Variants in CDC14C observed in about 807,000 individuals in gnomAD.
The protein encoded by CDC14C is cell division cycle 14C, also known as dual specificity protein phosphatase CDC14C.
In CDC14C, 19 loss-of-function variants were observed where a neutral mutation model predicts 26.9. The observed-to-expected ratio is 0.71, with a 90% CI of 0.49 to 1.04. CDC14C has a LOEUF of 1.04. CDC14C is among the 50% of genes least tolerant of loss of function. The pLI, the probability that CDC14C is intolerant of heterozygous loss-of-function variation, is 0.00. For synonymous variants in CDC14C, 185 were observed against 180.1 expected (o/e 1.03, Z -0.22); for missense variants, 423 against 520.0 (o/e 0.81, Z 1.81).
chr7:48,925,842 C>T lies in CDC14C; in HGVS notation c.1170C>T (p.Asp390=), dbSNP rs750412517. ...AACCCAAACCTTACAGTGATGACGA[C>T]GAAATCAATGGAGTGACACAAGGTG... ...QQEPKPYSDD[D]EINGVTQGDR... The change falls in exon 1 of 1, where the codon GAC becomes GAT. Residue 390 remains aspartate (D), a synonymous_variant. Coordinates refer to ENST00000650262, the MANE Select transcript of CDC14C (RefSeq NM_152627.3). The T allele has an allele frequency of 2.3e-5, 18 of 797,272 alleles. No homozygotes were observed. The highest frequency in any genetic ancestry group is 9.5e-5 in the South Asian group (7 of 73,504). 49.4% of individuals were successfully genotyped at this position (797,272 alleles called of 1,614,324 possible). A position where few individuals can be genotyped will look rare whatever the true frequency, so the allele number is the denominator to read the frequency against.
At position 48,925,176 on chromosome 7, in the gene CDC14C, C is replaced by T. The variant is rs1203500867; in HGVS notation, c.504C>T (p.Asn168=). The change falls in exon 1 of 1, where the codon AAC becomes AAT. Residue 168 remains asparagine, a synonymous_variant. Coordinates refer to ENST00000650262, the MANE Select transcript of CDC14C (RefSeq NM_152627.3). ...KAMQYGFLNF[N]SFNLDEYEHY... ...TGCAGTATGGCTTCCTTAATTTCAA[C>T]TCATTTAACCTTGATGAATATGAAC... 6.5e-7 allele frequency: 1 copy of T among 1,529,788 alleles called. No individual in the cohort carries two copies. The highest frequency in any genetic ancestry group is 2.3e-5 in the East Asian group (1 of 44,366). The allele number at this position is 1,529,788 out of a possible 1,614,324, so 94.8% of individuals were successfully genotyped here. A position where few individuals can be genotyped will look rare whatever the true frequency, so the allele number is the denominator to read the frequency against.
In CDC14C at chr7:48,924,566, T is replaced by C. The variant is rs13310288; in HGVS notation, c.-107T>C. On this transcript the variant is annotated 5_prime_UTR_variant, in exon 1 of 1. Coordinates refer to ENST00000650262, the MANE Select transcript of CDC14C (RefSeq NM_152627.3). ...GGGGCCGTGGTCGTTGCTCCCTGAC[T>C]GGCCGCGGCGGCCTCCAGGAAGCGG... is the stretch of plus-strand genomic sequence containing the variant. The C allele has an allele frequency of 4.7e-5, 34 of 718,022 alleles. No individual in the cohort carries two copies. The highest frequency in any genetic ancestry group is 2.0e-4 in the South Asian group (11 of 55,466). 44.5% of individuals were successfully genotyped at this position (718,022 alleles called of 1,614,324 possible). A position where few individuals can be genotyped will look rare whatever the true frequency, so the allele number is the denominator to read the frequency against.
Position 48,924,716 on chromosome 7 carries a change from A to G in CDC14C, c.44A>G (p.Gln15Arg), listed in dbSNP as rs757594314. Reference protein sequence around the residue: ...TLQDPRRRDPQDDVYVDITDR... With the variant: ...TLQDPRRRDPRDDVYVDITDR... ...CAGGACCCGCGCCGCCGGGACCCCC[A>G]GGACGACGTGTACGTGGACATCACC... The change falls in exon 1 of 1, where the codon CAG becomes CGG. Residue 15 changes from glutamine (Q) to arginine (R), a missense_variant. By Grantham distance (43) the Gln-to-Arg change is conservative. This residue lies in a region of CDC14C where 310 missense variants were observed against 356.8 expected (regional missense o/e 0.87). Coordinates refer to ENST00000650262, the MANE Select transcript of CDC14C (RefSeq NM_152627.3). The G allele has an allele frequency of 7.6e-7, 1 of 1,317,950 alleles. No individual in the cohort carries two copies. The highest frequency in any genetic ancestry group is 1.7e-5 in the Admixed American group (1 of 59,588). The allele number at this position is 1,317,950 out of a possible 1,614,324, so 81.6% of individuals were successfully genotyped here.
chr7:48,926,703 G>A lies in CDC14C; in HGVS notation c.*687G>A, dbSNP rs989044545. Among the ~76,000 whole-genome samples, 8 of 151,992 alleles carry A rather than the reference G, an allele frequency of 5.3e-5. No homozygotes were observed. The highest frequency in any genetic ancestry group is 8.8e-5 in the Non-Finnish European group (6 of 68,016). On this transcript the variant is annotated 3_prime_UTR_variant, in exon 1 of 1. Coordinates refer to ENST00000650262, the MANE Select transcript of CDC14C (RefSeq NM_152627.3). ...ATTCCGGTAAACCCACACCCTTCCA[G>A]CGTGGGCATTAGGGCCATTATGAAC... is the stretch of plus-strand genomic sequence containing the variant.
At position 48,925,111 on chromosome 7, in the gene CDC14C, A is replaced by C. The variant is rs772362145; in HGVS notation, c.439A>C (p.Ile147Leu). The stretch of plus-strand genomic sequence containing the variant: ...TGCCTATGGAAGCTGCAATTTCTAC[A>C]TTACACTTCTTGACTGTTTTCATGC... ...DAAYGSCNFYITLLDCFHAVK... is the reference protein window; with the variant it reads ...DAAYGSCNFYLTLLDCFHAVK... The change falls in exon 1 of 1, where the codon ATT becomes CTT. Residue 147 changes from isoleucine to leucine, a missense_variant. By Grantham distance (5) the Ile-to-Leu change is conservative. Transcript: ENST00000650262. 1.3e-6 allele frequency: 2 copies of C among 1,541,000 alleles called. No homozygotes were observed. Among genetic ancestry groups the C allele is most frequent in the Non-Finnish European group, 1.8e-6 (2 of 1,113,610 alleles).
At position 48,925,889 on chromosome 7, in the gene CDC14C, G is replaced by A. The variant is rs1456902212; in HGVS notation, c.1217G>A (p.Arg406Lys). The change falls in exon 1 of 1, where the codon AGG becomes AAG. Residue 406 changes from arginine to lysine, a missense_variant. Arg to Lys is a conservative substitution (Grantham distance 26). Transcript: ENST00000650262. ...TQGDRSRALKRRRQSKTNDIL... is the reference protein window; with the variant it reads ...TQGDRSRALKKRRQSKTNDIL... ...GGTGATAGAAGTCGGGCCCTGAAAA[G>A]GCGAAGACAATCAAAAACAAACGAT... 2 of 814,118 alleles carry A rather than the reference G, an allele frequency of 2.5e-6. No homozygotes were observed. Among genetic ancestry groups the A allele is most frequent in the South Asian group, 2.7e-5 (2 of 74,722 alleles). 50.4% of individuals were successfully genotyped at this position (814,118 alleles called of 1,614,324 possible). A position where few individuals can be genotyped will look rare whatever the true frequency, so the allele number is the denominator to read the frequency against.
rs1798865182 is a variant in CDC14C at position 48,925,192 on chromosome 7, G to A, written c.520G>A (p.Glu174Lys). ...FLNFNSFNLD[E>K]YEHYEKAENG... ...TAATTTCAACTCATTTAACCTTGAT[G>A]AATATGAACACTATGAAAAAGCAGA... The change falls in exon 1 of 1, where the codon GAA becomes AAA. Residue 174 changes from glutamate (E) to lysine (K), a missense_variant. Glu to Lys is a moderately conservative substitution (Grantham distance 56). Coordinates refer to ENST00000650262, the MANE Select transcript of CDC14C (RefSeq NM_152627.3). The A allele has an allele frequency of 6.5e-7, 1 of 1,549,164 alleles. No individual in the cohort carries two copies. The highest frequency in any genetic ancestry group is 1.4e-5 in the African/African-American group (1 of 73,764).
Position 48,924,714 on chromosome 7 carries a change from C to G in CDC14C, c.42C>G (p.Pro14=), listed in dbSNP as rs752658901. ...TGCAGGACCCGCGCCGCCGGGACCC[C>G]CAGGACGACGTGTACGTGGACATCA... is the stretch of plus-strand genomic sequence containing the variant. ...STLQDPRRRD[P]QDDVYVDITD... The change falls in exon 1 of 1, where the codon CCC becomes CCG. Residue 14 remains proline (P), a synonymous_variant. Transcript: ENST00000650262. The G allele has an allele frequency of 4.3e-5, 56 of 1,314,028 alleles. No individual in the cohort carries two copies. Among genetic ancestry groups the G allele is most frequent in the African/African-American group, 7.3e-5 (5 of 68,870 alleles). The allele number at this position is 1,314,028 out of a possible 1,614,324, so 81.4% of individuals were successfully genotyped here.
In CDC14C at chr7:48,925,203, C is replaced by T. The variant is rs758993908; in HGVS notation, c.531C>T (p.His177=). ...CATTTAACCTTGATGAATATGAACA[C>T]TATGAAAAAGCAGAAAACGGAGATT... The part of the protein sequence containing the change: ...FNSFNLDEYE[H]YEKAENGDLN... Residue 177 remains histidine, a synonymous_variant, in exon 1 of 1, where the codon CAC becomes CAT. Coordinates refer to ENST00000650262, the MANE Select transcript of CDC14C (RefSeq NM_152627.3). The T allele has an allele frequency of 1.3e-6, 2 of 1,569,288 alleles. No homozygotes were observed. Among genetic ancestry groups the T allele is most frequent in the South Asian group, 2.2e-5 (2 of 90,070 alleles).
chr7:48,925,049 T>A lies in CDC14C; in HGVS notation c.377T>A (p.Ile126Asn), dbSNP rs751185207. Residue 126 changes from isoleucine to asparagine, a missense_variant, in exon 1 of 1, where the codon ATC becomes AAC. Ile to Asn is a moderately radical substitution (Grantham distance 149, BLOSUM62 -3). Transcript: ENST00000650262. The part of the protein sequence containing the change: ...RTPEAAYRIL[I>N]FGDTPYIPFR... ...CCAGAAGCAGCATATAGAATATTAA[T>A]CTTTGGAGATACACCCTATATTCCT... 25 of 1,467,846 alleles carry A rather than the reference T, an allele frequency of 1.7e-5. No individual in the cohort carries two copies. The highest frequency in any genetic ancestry group is 1.7e-5 in the Non-Finnish European group (18 of 1,047,016). The allele number at this position is 1,467,846 out of a possible 1,614,324, so 90.9% of individuals were successfully genotyped here.
chr7:48,927,107 G>T lies in CDC14C; in HGVS notation c.*1091G>T, dbSNP rs1285632541. ...TACTTTCTGTAATTTGATACTATTT[G>T]GCTTTACCATCTTCACTTGACTGTT... On this transcript the variant is annotated 3_prime_UTR_variant, in exon 1 of 1. Coordinates refer to ENST00000650262, the MANE Select transcript of CDC14C (RefSeq NM_152627.3). Among the ~76,000 whole-genome samples, 1 of 152,078 alleles carries T rather than the reference G, an allele frequency of 6.6e-6. No individual in the cohort carries two copies. The highest frequency in any genetic ancestry group is 2.4e-5 in the African/African-American group (1 of 41,400).
chr7:48,925,874 G>T lies in CDC14C; in HGVS notation c.1202G>T (p.Ser401Ile), dbSNP rs1188513166. The stretch of plus-strand genomic sequence containing the variant: ...AATGGAGTGACACAAGGTGATAGAA[G>T]TCGGGCCCTGAAAAGGCGAAGACAA... ...EINGVTQGDR[S>I]RALKRRRQSK... is the part of the protein sequence containing the mutation. The change falls in exon 1 of 1, where the codon AGT becomes ATT. Residue 401 changes from serine (S) to isoleucine (I), a missense_variant. Physicochemically the swap from Ser to Ile is moderately radical, Grantham distance 142. This residue lies in a region of CDC14C where 91 missense variants were observed against 94.2 expected (regional missense o/e 0.97). Coordinates refer to ENST00000650262, the MANE Select transcript of CDC14C (RefSeq NM_152627.3). 2 of 809,312 alleles carry T rather than the reference G, an allele frequency of 2.5e-6. No individual in the cohort carries two copies. Among genetic ancestry groups the T allele is most frequent in the Non-Finnish European group, 4.5e-6 (2 of 445,860 alleles). The allele number at this position is 809,312 out of a possible 1,614,324, so 50.1% of individuals were successfully genotyped here. A position where few individuals can be genotyped will look rare whatever the true frequency, so the allele number is the denominator to read the frequency against.
rs535486175 is a variant in CDC14C at position 48,924,886 on chromosome 7, T to A, written c.214T>A (p.Cys72Ser). The change falls in exon 1 of 1, where the codon TGC becomes AGC. Residue 72 changes from cysteine to serine, a missense_variant. Physicochemically the swap from Cys to Ser is moderately radical, Grantham distance 112 (BLOSUM62 -1). Around this residue, in one of 3 missense-constraint regions of CDC14C, gnomAD observed 310 missense variants for 356.8 expected, o/e 0.87. Transcript: ENST00000650262. ...TCTGGCAATGGTTTACAGATATTGT[T>A]GCAAGATAAATAAGAAATTAAAGTC... Reference protein sequence around the residue: ...LNLAMVYRYCCKINKKLKSIT... With the variant: ...LNLAMVYRYCSKINKKLKSIT... 3 of 1,455,590 alleles carry A rather than the reference T, an allele frequency of 2.1e-6. No individual in the cohort carries two copies. In the South Asian group the frequency reaches 3.4e-5, roughly 17 times the overall value. The allele number at this position is 1,455,590 out of a possible 1,614,324, so 90.2% of individuals were successfully genotyped here.
Position 48,925,087 on chromosome 7 carries a change from G to A in CDC14C, c.415G>A (p.Ala139Thr), listed in dbSNP as rs2131866802. ...ACCCTATATTCCTTTCAGAGATGCT[G>A]CCTATGGAAGCTGCAATTTCTACAT... is the stretch of plus-strand genomic sequence containing the variant. ...DTPYIPFRDA[A>T]YGSCNFYITL... The change falls in exon 1 of 1, where the codon GCC (alanine) becomes ACC (threonine). Residue 139 changes from alanine (A) to threonine (T), a missense_variant. Physicochemically the swap from Ala to Thr is moderately conservative, Grantham distance 58. Coordinates refer to ENST00000650262, the MANE Select transcript of CDC14C (RefSeq NM_152627.3). 3 of 1,532,304 alleles carry A rather than the reference G, an allele frequency of 2.0e-6. No homozygotes were observed. The South Asian group carries it at 3.4e-5, about 17-fold the overall frequency. The allele number at this position is 1,532,304 out of a possible 1,614,324, so 94.9% of individuals were successfully genotyped here.
chr7:48,927,345 A>G lies in CDC14C; in HGVS notation c.*1329A>G, dbSNP rs1798908261. Among the ~76,000 whole-genome samples, 2 of 152,196 alleles carry G rather than the reference A, an allele frequency of 1.3e-5. No individual in the cohort carries two copies. The highest frequency in any genetic ancestry group is 4.1e-4 in the South Asian group (2 of 4,828). On this transcript the variant is annotated 3_prime_UTR_variant, in exon 1 of 1. Transcript: ENST00000650262. Reference sequence around the variant, plus strand: ...AGGAGAAACTGACTTCAGAGCTGGAAGATGTTGCAAGTCATTCCTTTTTCT... The same window carrying G: ...AGGAGAAACTGACTTCAGAGCTGGAGGATGTTGCAAGTCATTCCTTTTTCT...
Position 48,925,840 on chromosome 7 carries a change from G to A in CDC14C, c.1168G>A (p.Asp390Asn), listed in dbSNP as rs765363567. Reference sequence around the variant, plus strand: ...AGAACCCAAACCTTACAGTGATGACGACGAAATCAATGGAGTGACACAAGG... The same window carrying A: ...AGAACCCAAACCTTACAGTGATGACAACGAAATCAATGGAGTGACACAAGG... ...QQEPKPYSDD[D>N]EINGVTQGDR... The change falls in exon 1 of 1, where the codon GAC (aspartate) becomes AAC (asparagine). Residue 390 changes from aspartate (D) to asparagine (N), a missense_variant. Around this residue, in one of 3 missense-constraint regions of CDC14C, gnomAD observed 91 missense variants for 94.2 expected, o/e 0.97. Coordinates refer to ENST00000650262, the MANE Select transcript of CDC14C (RefSeq NM_152627.3). 8.8e-6 allele frequency: 7 copies of A among 798,990 alleles called. No individual in the cohort carries two copies. Among genetic ancestry groups the A allele is most frequent in the East Asian group, 2.5e-5 (1 of 40,142 alleles). 49.5% of individuals were successfully genotyped at this position (798,990 alleles called of 1,614,324 possible).
rs1026721487 is a variant in CDC14C, at chr7:48,927,297, G to A, written c.*1281G>A. 3.3e-5 allele frequency among the ~76,000 whole-genome samples: 5 copies of A among 152,198 alleles called. No homozygotes were observed. The highest frequency in any genetic ancestry group is 1.9e-4 in the East Asian group (1 of 5,188). The stretch of plus-strand genomic sequence containing the variant: ...ACCTAAAACTTGCAAGAGAATATTA[G>A]TGGTAGCTTTAGAAGACTCAGGAGG... On this transcript the variant is annotated 3_prime_UTR_variant, in exon 1 of 1. Coordinates refer to ENST00000650262, the MANE Select transcript of CDC14C (RefSeq NM_152627.3).
In CDC14C at chr7:48,925,605, T is replaced by G. The variant is rs1415818172; in HGVS notation, c.933T>G (p.Ile311Met). The G allele has an allele frequency of 6.5e-7, 1 of 1,546,286 alleles. No homozygotes were observed. Among genetic ancestry groups the G allele is most frequent in the African/African-American group, 1.4e-5 (1 of 73,714 alleles). The change falls in exon 1 of 1, where the codon ATT (isoleucine) becomes ATG (methionine). Residue 311 changes from isoleucine (I) to methionine (M), a missense_variant. Ile to Met is a conservative substitution (Grantham distance 10). Coordinates refer to ENST00000650262, the MANE Select transcript of CDC14C (RefSeq NM_152627.3). ...ACAGGATGACAGCAGCCGAGACCAT[T>G]GCGTGGGTAAGGATCTGCAGACCTG... is the stretch of plus-strand genomic sequence containing the variant. ...KHYRMTAAETIAWVRICRPGL... is the reference protein window; with the variant it reads ...KHYRMTAAETMAWVRICRPGL...
At position 48,927,060 on chromosome 7, in the gene CDC14C, A is replaced by G. The variant is rs1280997636; in HGVS notation, c.*1044A>G. 6.6e-6 allele frequency among the ~76,000 whole-genome samples: 1 copy of G among 152,214 alleles called. No homozygotes were observed. The highest frequency in any genetic ancestry group is 2.4e-5 in the African/African-American group (1 of 41,450). On this transcript the variant is annotated 3_prime_UTR_variant, in exon 1 of 1. Transcript: ENST00000650262. ...ACCCTGTGTCAAAATTTGTAAAGAT[A>G]CAAAAGGCATTACTGAAATGGTACT...
Sources: allele counts gnomAD v4.1 joint callset (sites outside exome capture counted in the v4.1 genomes callset), GRCh38; gene constraint gnomAD v4.1.1; regional missense constraint gnomAD v4.1.1; transcripts MANE v1.5; gene names NCBI Gene and HGNC (gene_info 2026-07-23, HGNC 2026-07-21).